CAPN3: variants seen among roughly 807,000 people sequenced by gnomAD.
The protein encoded by CAPN3 is calpain-3.
Under a neutral mutation model 114.0 loss-of-function variants are expected in CAPN3, and 88 were observed. The ratio of observed to expected loss-of-function variants is 0.77; its 90% CI spans 0.65 to 0.92. The LOEUF (loss-of-function observed/expected upper bound fraction) is 0.92. Ranked by LOEUF, CAPN3 falls within the 40% of genes least tolerant of loss-of-function variation. CAPN3 has a pLI of 0.00. For synonymous variants in CAPN3, 386 were observed against 382.9 expected, an observed-to-expected ratio of 1.01 and a Z score of -0.09; for missense variants, 1,028 against 1,069.0, an observed-to-expected ratio of 0.96 and a Z score of 0.53.
In CAPN3 at chr15:42,411,826, A is replaced by G. The variant is rs1428809264; in HGVS notation, c.*53A>G. On this transcript the variant is annotated 3_prime_UTR_variant, in exon 24 of 24. Transcript: ENST00000397163. ...CAGGATCACTCAGGATTTCAGTTTC[A>G]CCCTCTATTTCCAAAGCCATTTACC... 4.3e-6 allele frequency: 7 copies of G among 1,611,916 alleles called. No homozygotes were observed. In the African/African-American group the frequency reaches 6.7e-5, roughly 16 times the overall value.
rs764247865 is a variant in CAPN3, at chr15:42,359,857, C to G, written c.52C>G (p.Arg18Gly). 8 of 1,614,076 alleles carry G rather than the reference C, an allele frequency of 5.0e-6. No homozygotes were observed. Among genetic ancestry groups the G allele is most frequent in the Non-Finnish European group, 6.8e-6 (8 of 1,180,050 alleles). ...GGCTCCAAGGACAGCGGCTGAGCCC[C>G]GGTCCCCAGGGCCAGTTCCTCACCC... Reference protein sequence around the residue: ...SVAPRTAAEPRSPGPVPHPAQ... With the variant: ...SVAPRTAAEPGSPGPVPHPAQ... The change falls in exon 1 of 24, where the codon CGG becomes GGG. Residue 18 changes from arginine (R) to glycine (G), a missense_variant. Physicochemically the swap from Arg to Gly is moderately radical, Grantham distance 125 (BLOSUM62 -2). Transcript: ENST00000397163.
chr15:42,380,404 G>T, intron 1 of CAPN3, among the ~76,000 whole-genome samples: 1 of 110,534 alleles, frequency 9.0e-6, no homozygotes. Context: ...TTTTGAGACA[G>T]GGTCTGGCTT....
At position 42,410,369 on chromosome 15, in the gene CAPN3, C is replaced by G. The variant is rs1205396885; in HGVS notation, c.2116-59C>G. 2.6e-6 allele frequency: 4 copies of G among 1,515,080 alleles called. No homozygotes were observed. The South Asian group carries it at 4.5e-5, about 17-fold the overall frequency. The allele number at this position is 1,515,080 out of a possible 1,614,324, so 93.9% of individuals were successfully genotyped here. On this transcript the variant is annotated intron_variant, in intron 19 of 23. Transcript: ENST00000397163. Reference sequence around the variant, plus strand: ...GACAGCCCGGAGTCTCCTAGACCCTCCCTCCAAATCCAGGGGGATTTTGCT... The same window carrying G: ...GACAGCCCGGAGTCTCCTAGACCCTGCCTCCAAATCCAGGGGGATTTTGCT...
At chr15:42,402,476 C>T (rs2053900685) in intron 12 of CAPN3, 2 of 1,428,072 alleles carry the variant, frequency 1.4e-6, no homozygotes, top group Admixed American at 2.8e-5. Flanking sequence ...AATCACTTCC[C>T]TCAGAACCCA....
Position 42,359,677 on chromosome 15 carries a change from A to G in CAPN3, c.-129A>G, listed in dbSNP as rs772498366. On this transcript the variant is annotated 5_prime_UTR_variant, in exon 1 of 24. Coordinates refer to ENST00000397163, the MANE Select transcript of CAPN3 (RefSeq NM_000070.3). ...CCTTCTGATGGGCTTTCAACTTTGA[A>G]CTGGATGTGGACACTTTTCTCTCAG... 126 of 1,547,080 alleles carry G rather than the reference A, an allele frequency of 8.1e-5. No individual in the cohort carries two copies. Among genetic ancestry groups the G allele is most frequent in the Non-Finnish European group, 1.1e-4 (122 of 1,152,140 alleles).
intron 8 of CAPN3, among the ~76,000 whole-genome samples, chr15:42,394,784 C>T (rs928605049): frequency 1.3e-5 from 2 of 152,132 alleles, no homozygotes; most frequent in Non-Finnish European, 1.5e-5. Flanking sequence ...TTCCCTTACC[C>T]GTGCTGTCCC....
intron 10 of CAPN3, among the ~76,000 whole-genome samples, chr15:42,400,156 G>T (rs570538133): frequency 3.9e-5 from 6 of 152,326 alleles, no homozygotes; most frequent in African/African-American, 1.4e-4. Context: ...TCTACTGAAT[G>T]TGCATCTCTT....
In CAPN3 at chr15:42,387,667, A is replaced by G. The variant is rs971187312; in HGVS notation, c.499-86A>G. The G allele has an allele frequency of 1.4e-5, 21 of 1,523,924 alleles. No individual in the cohort carries two copies. The East Asian group carries it at 4.1e-4, about 29-fold the overall frequency. The allele number at this position is 1,523,924 out of a possible 1,614,324, so 94.4% of individuals were successfully genotyped here. A position where few individuals can be genotyped will look rare whatever the true frequency, so the allele number is the denominator to read the frequency against. On this transcript the variant is annotated intron_variant, in intron 3 of 23. Coordinates refer to ENST00000397163, the MANE Select transcript of CAPN3 (RefSeq NM_000070.3). Reference sequence around the variant, plus strand: ...AGGAAATGATGCTGCTTTGGGATTCAAGAACCCCCTGAGGAATGTGGAGGA... The same window carrying G: ...AGGAAATGATGCTGCTTTGGGATTCGAGAACCCCCTGAGGAATGTGGAGGA...
chr15:42,360,217 G>A, intron 1 of CAPN3, 103 bp downstream of exon 1: 1 of 1,234,658 alleles, frequency 8.1e-7, no homozygotes, highest in Non-Finnish European at 1.2e-6. Context: ...CTGGGGGAAG[G>A]ATCCTGGCAG....
chr15:42,371,879 G>T (rs552220656), intron 1 of CAPN3, among the ~76,000 whole-genome samples: 2 of 151,870 alleles, frequency 1.3e-5, no homozygotes, highest in East Asian at 3.9e-4. Context: ...CAGGAGAATC[G>T]CTTGAACCCA....
chr15:42,367,698 C>T (rs1343322721), intron 1 of CAPN3, among the ~76,000 whole-genome samples: 3 of 152,206 alleles, frequency 2.0e-5, no homozygotes, highest in Non-Finnish European at 4.4e-5. Flanking sequence ...ACAGTCTGAA[C>T]ACTCATCCTT....
At chr15:42,380,747 ATATATTTTTT>A (rs1255269722) in intron 1 of CAPN3, among the ~76,000 whole-genome samples, 3 of 58,526 alleles carry the variant, frequency 5.1e-5, no homozygotes, top group African/African-American at 3.1e-4. Flanking sequence ...ATATATATAT[ATATATTTTTT>A]TTTTTTTTTT....
intron 1 of CAPN3, among the ~76,000 whole-genome samples, chr15:42,380,751 A>ATATATATATATATATTT (rs1436943739): frequency 1.6e-5 from 1 of 64,456 alleles, no homozygotes; most frequent in African/African-American, 8.9e-5. Context: ...ATATATATAT[A>ATATATATATATATATTT]TTTTTTTTTT....
intron 1 of CAPN3, among the ~76,000 whole-genome samples, chr15:42,368,413 G>A (rs150810091): frequency 2.8e-4 from 42 of 152,282 alleles, no homozygotes; most frequent in African/African-American, 9.6e-4. Flanking sequence ...GAGGAAATAC[G>A]TGTGTCAGAT....
chr15:42,367,927 C>G (rs2052831200), intron 1 of CAPN3, among the ~76,000 whole-genome samples: 1 of 152,172 alleles, frequency 6.6e-6, no homozygotes, highest in Non-Finnish European at 1.5e-5. Flanking sequence ...CTCTGAGTAG[C>G]TGGGACTACA....
Position 42,360,099 on chromosome 15 carries a change from C to A in CAPN3, c.294C>A (p.Val98=), listed in dbSNP as rs147493037. 3.1e-6 allele frequency: 5 copies of A among 1,614,200 alleles called. No individual in the cohort carries two copies. The South Asian group carries it at 5.5e-5, about 18-fold the overall frequency. Residue 98 remains valine (V), a synonymous_variant, in exon 1 of 24, where the codon GTC becomes GTA. Transcript: ENST00000397163. ...GCCAGAAGTTCCCCATCCAGTTCGT[C>A]TGGAAGAGACCTCCGGTGAGTAGCT... ...FYSQKFPIQF[V]WKRPPEICEN... is the part of the protein sequence containing the mutation.
chr15:42,388,230 C>T (rs1355384876), intron 4 of CAPN3, among the ~76,000 whole-genome samples: 1 of 152,196 alleles, frequency 6.6e-6, no homozygotes. Flanking sequence ...TTGGCTCAAC[C>T]TCATGTGCTT....
At chr15:42,397,314 C>T (rs1330626821) in intron 9 of CAPN3, among the ~76,000 whole-genome samples, 1 of 152,192 alleles carries the variant, frequency 6.6e-6, no homozygotes, top group East Asian at 1.9e-4. Flanking sequence ...TCCCCGAGGA[C>T]TGGGATTAAT....
rs115311625 is a variant in CAPN3, at chr15:42,410,952, G to C, written c.2332G>C (p.Asp778His). Reference sequence around the variant, plus strand: ...GTACGCAGACAAACACATGAACATCGACTTTGACAGTTTCATCTGCTGCTT... The same window carrying C: ...GTACGCAGACAAACACATGAACATCCACTTTGACAGTTTCATCTGCTGCTT... ...MRYADKHMNI[D>H]FDSFICCFVR... The change falls in exon 22 of 24, where the codon GAC becomes CAC. Residue 778 changes from aspartate to histidine, a missense_variant. By Grantham distance (81) the Asp-to-His change is moderately conservative. Coordinates refer to ENST00000397163, the MANE Select transcript of CAPN3 (RefSeq NM_000070.3). The C allele has an allele frequency of 6.2e-7, 1 of 1,614,144 alleles. No individual in the cohort carries two copies. Among genetic ancestry groups the C allele is most frequent in the South Asian group, 1.1e-5 (1 of 91,080 alleles).
Sources: allele counts gnomAD v4.1 joint callset (sites outside exome capture counted in the v4.1 genomes callset), GRCh38; gene constraint gnomAD v4.1.1; transcripts MANE v1.5; gene names NCBI Gene and HGNC (gene_info 2026-07-23, HGNC 2026-07-21).